The following NEBL variants were observed in gnomAD, a reference collection of about 807,000 sequenced individuals.
The protein encoded by NEBL is LIM and SH3 protein 2.
A neutral mutation model predicts 140.2 loss-of-function variants in NEBL; 122 were observed. The ratio of observed to expected loss-of-function variants is 0.87; its 90% CI spans 0.75 to 1.01. The LOEUF (loss-of-function observed/expected upper bound fraction) is 1.01, where lower values mean the gene tolerates loss of function less well. Among genes scored for constraint, NEBL ranks in the 50% least tolerant of loss-of-function variants. NEBL has a pLI of 0.00. For missense variants in NEBL, 1,365 were observed against 1,231.3 expected, an observed-to-expected ratio of 1.11 and a Z score of -1.62; for synonymous variants, 436 against 398.9, an observed-to-expected ratio of 1.09 and a Z score of -1.11.
chr10:21,278,245 A>G (rs1165075171), intron 1 of NEBL, among the ~76,000 whole-genome samples: 1 of 152,156 alleles, frequency 6.6e-6, no homozygotes, highest in Non-Finnish European at 1.5e-5. Flanking sequence ...GTTCAAGACC[A>G]GCCTGGCCAC....
At chr10:21,083,103 G>T (rs1026036028) in intron 2 of NEBL, among the ~76,000 whole-genome samples, 7 of 152,152 alleles carry the variant, frequency 4.6e-5, no homozygotes. Flanking sequence ...TTAAGCAGGA[G>T]CGCAGTGCTG....
chr10:21,053,224 T>G (rs540591625), intron 2 of NEBL, among the ~76,000 whole-genome samples: 1 of 152,306 alleles, frequency 6.6e-6, no homozygotes, highest in East Asian at 1.9e-4. Context: ...CCTACCATCT[T>G]GAGCATATAC....
In NEBL at chr10:20,881,525, A is replaced by T. The variant is rs1010504009; in HGVS notation, c.370-621T>A. Among the ~76,000 whole-genome samples the T allele has an allele frequency of 2.0e-5, 3 of 152,332 alleles. No individual in the cohort carries two copies. In the East Asian group the frequency reaches 5.8e-4, roughly 29 times the overall value. The stretch of plus-strand genomic sequence containing the variant: ...GATATCTCAGAAGTAGATGTAACCA[A>T]ACTCAACCACAAAGTTGGAAATTAA... On this transcript the variant is annotated intron_variant, in intron 4 of 27. Coordinates refer to ENST00000377122, the MANE Select transcript of NEBL (RefSeq NM_006393.3).
At chr10:20,808,685 C>A (rs369876097) in intron 25 of NEBL, 26 bp from the exon 26 acceptor site, 6 of 1,605,058 alleles carry the variant, frequency 3.7e-6, no homozygotes, top group Middle Eastern at 1.7e-4. Flanking sequence ...AATATTTACA[C>A]GTGTGATTAA....
chr10:21,087,331 G>T (rs1312221969), intron 2 of NEBL, among the ~76,000 whole-genome samples: 3 of 152,120 alleles, frequency 2.0e-5, no homozygotes, highest in Non-Finnish European at 4.4e-5. Flanking sequence ...GATGAGCCTG[G>T]CTTGTTAGGG....
At chr10:20,830,786 C>A (rs1228866673) in intron 16 of NEBL, among the ~76,000 whole-genome samples, 1 of 150,686 alleles carries the variant, frequency 6.6e-6, no homozygotes, top group African/African-American at 2.4e-5. Flanking sequence ...GGGCTGGGCA[C>A]AATGGCTCAT....
chr10:21,148,247 A>G (rs1373151927), intron 2 of NEBL, among the ~76,000 whole-genome samples: 2 of 152,242 alleles, frequency 1.3e-5, no homozygotes, highest in Admixed American at 1.3e-4. Flanking sequence ...CTCCTGTGAT[A>G]TTATGAAACA....
chr10:20,789,886 C>A (rs991810221), intron 26 of NEBL, among the ~76,000 whole-genome samples: 2 of 149,292 alleles, frequency 1.3e-5, no homozygotes, highest in East Asian at 2.0e-4. Flanking sequence ...TACACACACA[C>A]ATATATATAT....
At chr10:21,207,551 C>G (rs903549044) in intron 3 of NEBL, among the ~76,000 whole-genome samples, 1 of 152,084 alleles carries the variant, frequency 6.6e-6, no homozygotes, top group Non-Finnish European at 1.5e-5. Context: ...CTTTCTCCAC[C>G]CTACTTTGCC....
At chr10:20,836,036 T>A (rs1444879758) in intron 13 of NEBL, among the ~76,000 whole-genome samples, 2 of 152,218 alleles carry the variant, frequency 1.3e-5, no homozygotes, top group Admixed American at 6.5e-5. Context: ...AAGGTAGTAA[T>A]GCAAGCATAC....
intron 3 of NEBL, among the ~76,000 whole-genome samples, chr10:20,998,727 A>C (rs1353738541): frequency 6.6e-6 from 1 of 152,208 alleles, no homozygotes; most frequent in Non-Finnish European, 1.5e-5. Context: ...TAAAAATCCA[A>C]CTGGCATTGC....
intron 5 of NEBL, among the ~76,000 whole-genome samples, chr10:20,874,419 G>C (rs1399640352): frequency 1.3e-5 from 2 of 152,166 alleles, no homozygotes; most frequent in African/African-American, 4.8e-5. Context: ...ATGATCTGAG[G>C]CTGGAGGAGA....
intron 3 of NEBL, among the ~76,000 whole-genome samples, chr10:21,204,826 C>T (rs756958208): frequency 1.3e-5 from 2 of 152,146 alleles, no homozygotes; most frequent in African/African-American, 2.4e-5. Flanking sequence ...GGGTGCCAAG[C>T]AACTGCAGGT....
intron 2 of NEBL, among the ~76,000 whole-genome samples, chr10:21,071,930 T>G (rs1040098099): frequency 6.6e-6 from 1 of 152,160 alleles, no homozygotes; most frequent in Non-Finnish European, 1.5e-5. Context: ...GCAATTCTCA[T>G]GCCTCAGTCT....
chr10:20,975,103 G>A (rs1836734226), intron 3 of NEBL, among the ~76,000 whole-genome samples: 1 of 152,114 alleles, frequency 6.6e-6, no homozygotes, highest in Admixed American at 6.6e-5. Context: ...CCAGTTCTAG[G>A]TCAGTTTCCC....
At chr10:20,838,934 T>G (rs74463331) in intron 13 of NEBL, among the ~76,000 whole-genome samples, 8,757 of 152,252 alleles carry the variant, frequency 0.058, 356 homozygotes, top group Middle Eastern at 0.12. Flanking sequence ...GGTATAAACA[T>G]AACATGTATA....
chr10:20,841,693 T>C (rs1343514931), intron 12 of NEBL: 2 of 151,930 alleles, frequency 1.3e-5, no homozygotes, highest in African/African-American at 4.8e-5. Context: ...CAAACTAGGG[T>C]AGACCAAAAA....
At chr10:21,068,883 T>A (rs1288197974) in intron 2 of NEBL, among the ~76,000 whole-genome samples, 2 of 152,158 alleles carry the variant, frequency 1.3e-5, no homozygotes, top group Admixed American at 1.3e-4. Flanking sequence ...ATGTTTGTTG[T>A]TATTGTTGTT....
At chr10:20,848,932 A>C (rs2131038284) in intron 11 of NEBL, among the ~76,000 whole-genome samples, 2 of 152,354 alleles carry the variant, frequency 1.3e-5, no homozygotes, top group East Asian at 3.9e-4. Flanking sequence ...ATGAATTATA[A>C]CATTTCAACA....
Sources: gnomAD v4.1 joint callset for allele counts (sites outside exome capture counted in the v4.1 genomes callset) on GRCh38, gnomAD v4.1.1 for gene constraint, MANE v1.5 for transcripts, NCBI Gene and HGNC (gene_info 2026-07-23, HGNC 2026-07-21) for gene names.